The following WWOX variants were observed in gnomAD, a reference collection of about 807,000 sequenced individuals.
WWOX encodes the protein WW domain containing oxidoreductase, also known as WW domain-containing oxidoreductase.
WWOX carries 69 observed loss-of-function variants against 46.2 expected under a neutral mutation model. The ratio of observed to expected loss-of-function variants is 1.49; its 90% CI spans 1.23 to 1.82. The LOEUF is 1.82. Among genes scored for constraint, WWOX ranks in the 40% most tolerant of loss-of-function variants. The probability of loss-of-function intolerance (pLI) is 0.00; values close to 1 mark genes in which losing one functional copy is unlikely to be tolerated. For missense variants in WWOX, 919 were observed against 542.6 expected (o/e 1.69, Z -6.89); for synonymous variants, 359 against 202.6 (o/e 1.77, Z -6.56).
At chr16:78,904,704 C>T (rs2044916324) in intron 8 of WWOX, among the ~76,000 whole-genome samples, 1 of 152,128 alleles carries the variant, frequency 6.6e-6, no homozygotes, top group Non-Finnish European at 1.5e-5. Flanking sequence ...TATGCTGGGA[C>T]AATAGGCGTA....
At chr16:78,790,448 T>C (rs1221407818) in intron 8 of WWOX, among the ~76,000 whole-genome samples, 1 of 152,114 alleles carries the variant, frequency 6.6e-6, no homozygotes, top group Non-Finnish European at 1.5e-5. Context: ...CATTATTATT[T>C]TTAGTCTACA....
At chr16:79,207,578 A>G (rs922623616) in intron 8 of WWOX, among the ~76,000 whole-genome samples, 6 of 152,254 alleles carry the variant, frequency 3.9e-5, no homozygotes, top group African/African-American at 1.4e-4. Context: ...TCTCACAATC[A>G]TTGAATATAT....
At chr16:78,760,713 GA>G (rs1454114949) in intron 8 of WWOX, among the ~76,000 whole-genome samples, 3 of 152,312 alleles carry the variant, frequency 2.0e-5, no homozygotes, top group Non-Finnish European at 4.4e-5. Flanking sequence ...GCTGCTGTGG[GA>G]CATGAGACTC....
intron 8 of WWOX, among the ~76,000 whole-genome samples, chr16:79,187,862 G>C (rs2051049990): frequency 6.6e-6 from 1 of 152,172 alleles, no homozygotes; most frequent in Admixed American, 6.5e-5. Context: ...TGTATTTTTT[G>C]AGAAGAGAAA....
intron 8 of WWOX, chr16:78,996,478 A>T: frequency 4.0e-6 from 1 of 249,666 alleles, no homozygotes; most frequent in Non-Finnish European, 6.4e-6. Context: ...ACCCATGGGT[A>T]TGCATTCATA....
chr16:78,499,526 C>T (rs546026277), intron 8 of WWOX, among the ~76,000 whole-genome samples: 174 of 152,338 alleles, frequency 1.1e-3, no homozygotes, highest in Non-Finnish European at 2.0e-3. Flanking sequence ...GCAGATTACT[C>T]ATCAGCTGTC....
chr16:78,285,579 G>A (rs1300536540), intron 5 of WWOX, among the ~76,000 whole-genome samples: 1 of 152,192 alleles, frequency 6.6e-6, no homozygotes, highest in African/African-American at 2.4e-5. Context: ...AGTGCATGAT[G>A]GCTGAACATT....
rs542197427 is a variant in WWOX at position 78,925,616 on chromosome 16, T to C, written c.1057-285992T>C. Reference sequence around the variant, plus strand: ...AGGAGATGCACATTTTAAAATATATTTCTGCTTCGTCAAACTGTACAGAAC... The same window carrying C: ...AGGAGATGCACATTTTAAAATATATCTCTGCTTCGTCAAACTGTACAGAAC... On this transcript the variant is annotated intron_variant, in intron 8 of 8. Transcript: ENST00000566780. Among the ~76,000 whole-genome samples, 15 of 152,300 alleles carry C rather than the reference T, an allele frequency of 9.8e-5. No individual in the cohort carries two copies. In the South Asian group the frequency reaches 1.9e-3, roughly 19 times the overall value.
At chr16:79,207,009 C>A (rs2051535244) in intron 8 of WWOX, among the ~76,000 whole-genome samples, 1 of 152,128 alleles carries the variant, frequency 6.6e-6, no homozygotes, top group African/African-American at 2.4e-5. Context: ...GTATCCCAAG[C>A]ACCGAGGTAT....
intron 8 of WWOX, among the ~76,000 whole-genome samples, chr16:78,542,431 C>G (rs996490657): frequency 6.6e-6 from 1 of 152,076 alleles, no homozygotes; most frequent in Non-Finnish European, 1.5e-5. Context: ...GCCTAGTCCC[C>G]CAGTTTGCGT....
intron 8 of WWOX, among the ~76,000 whole-genome samples, chr16:78,465,006 G>A (rs1426903516): frequency 1.3e-5 from 2 of 152,196 alleles, no homozygotes; most frequent in Admixed American, 6.5e-5. Context: ...ATCTTACATG[G>A]CAGCAGACAA....
At chr16:78,870,749 A>G (rs1282692878) in intron 8 of WWOX, among the ~76,000 whole-genome samples, 2 of 152,078 alleles carry the variant, frequency 1.3e-5, no homozygotes, top group Admixed American at 6.5e-5. Context: ...TTACAGGTGC[A>G]TGCCACCATG....
At chr16:79,210,972 T>C (rs2051716046) in intron 8 of WWOX, among the ~76,000 whole-genome samples, 1 of 152,202 alleles carries the variant, frequency 6.6e-6, no homozygotes, top group Admixed American at 6.5e-5. Flanking sequence ...AAAAAGGTTT[T>C]CATGGGATCT....
At chr16:78,500,706 C>T (rs1160795873) in intron 8 of WWOX, among the ~76,000 whole-genome samples, 1 of 152,178 alleles carries the variant, frequency 6.6e-6, no homozygotes, top group African/African-American at 2.4e-5. Context: ...TTTTCGGGAA[C>T]ACGTGTGTGT....
intron 5 of WWOX, among the ~76,000 whole-genome samples, chr16:78,308,388 T>C (rs1371792439): frequency 6.6e-6 from 1 of 152,210 alleles, no homozygotes; most frequent in Admixed American, 6.5e-5. Flanking sequence ...CATTATACCC[T>C]TCTTTTTTTG....
intron 8 of WWOX, among the ~76,000 whole-genome samples, chr16:78,692,993 G>T (rs1446585501): frequency 6.6e-6 from 1 of 152,180 alleles, no homozygotes; most frequent in Non-Finnish European, 1.5e-5. Flanking sequence ...CTATGGGGTT[G>T]CATCCACGGA....
intron 8 of WWOX, among the ~76,000 whole-genome samples, chr16:78,844,137 C>T (rs1447732245): frequency 1.3e-5 from 2 of 152,074 alleles, no homozygotes; most frequent in African/African-American, 2.4e-5. Flanking sequence ...TGAAATCTAT[C>T]GTATTTGTTT....
intron 8 of WWOX, among the ~76,000 whole-genome samples, chr16:78,639,794 G>A (rs955210004): frequency 6.6e-6 from 1 of 152,128 alleles, no homozygotes; most frequent in Non-Finnish European, 1.5e-5. Flanking sequence ...TTGAACTCCT[G>A]ACCTCAGGTG....
intron 8 of WWOX, among the ~76,000 whole-genome samples, chr16:78,723,383 G>C (rs1310152878): frequency 6.6e-6 from 1 of 152,072 alleles, no homozygotes; most frequent in Non-Finnish European, 1.5e-5. Flanking sequence ...TGAGGCAGGA[G>C]AAGGCGGAGT....
Sources: allele counts gnomAD v4.1 joint callset (sites outside exome capture counted in the v4.1 genomes callset), GRCh38; gene constraint gnomAD v4.1.1; transcripts MANE v1.5; gene names NCBI Gene and HGNC (gene_info 2026-07-23, HGNC 2026-07-21).